Variants in SNX24 observed in about 807,000 individuals in gnomAD.
SNX24 encodes the protein sorting nexin 24.
Under a neutral mutation model 28.7 loss-of-function variants are expected in SNX24, and 22 were observed. That is an observed-to-expected ratio of 0.77 (90% CI 0.55 to 1.10). The LOEUF (loss-of-function observed/expected upper bound fraction) is 1.10. Ranked by LOEUF, SNX24 falls within the 50% of genes least tolerant of loss-of-function variation. The probability of loss-of-function intolerance (pLI) is 0.00; values close to 1 mark genes in which losing one functional copy is unlikely to be tolerated. For missense variants in SNX24, 221 were observed against 201.1 expected, an observed-to-expected ratio of 1.10 and a Z score of -0.60; for synonymous variants, 69 against 71.5, an observed-to-expected ratio of 0.96 and a Z score of 0.18.
chr5:122,985,194 T>C (rs557986911), intron 3 of SNX24, among the ~76,000 whole-genome samples: 3 of 152,350 alleles, frequency 2.0e-5, no homozygotes, highest in African/African-American at 7.2e-5. Context: ...GGCATCCTCC[T>C]TGGTTGAGTC....
At chr5:122,890,201 G>A (rs868648505) in intron 1 of SNX24, among the ~76,000 whole-genome samples, 7 of 152,018 alleles carry the variant, frequency 4.6e-5, no homozygotes, top group African/African-American at 1.7e-4. Flanking sequence ...GTCTGCCCCC[G>A]ACTAATAATG....
chr5:122,888,859 T>G (rs1756828449), intron 1 of SNX24, among the ~76,000 whole-genome samples: 2 of 152,132 alleles, frequency 1.3e-5, no homozygotes, highest in South Asian at 4.2e-4. Flanking sequence ...GGGATAACTT[T>G]GTGTTTTTTT....
At chr5:122,871,900 A>G (rs938631469) in intron 1 of SNX24, among the ~76,000 whole-genome samples, 2 of 152,064 alleles carry the variant, frequency 1.3e-5, no homozygotes, top group African/African-American at 4.8e-5. Flanking sequence ...TAGTCAGGGA[A>G]CTTGTGCAAG....
chr5:122,969,807 C>T (rs894912046), intron 3 of SNX24, among the ~76,000 whole-genome samples: 2 of 152,096 alleles, frequency 1.3e-5, no homozygotes, highest in Non-Finnish European at 2.9e-5. Flanking sequence ...ATTCCACATC[C>T]ATTACCGAAT....
At chr5:122,908,494 GT>G (rs1379254767) in intron 1 of SNX24, among the ~76,000 whole-genome samples, 16 of 152,160 alleles carry the variant, frequency 1.1e-4, no homozygotes, top group African/African-American at 3.9e-4. Context: ...CAGTGCAGAT[GT>G]TTTAAAATAA....
intron 1 of SNX24, among the ~76,000 whole-genome samples, chr5:122,882,824 A>G (rs1581701780): frequency 6.6e-6 from 1 of 152,302 alleles, no homozygotes; most frequent in East Asian, 1.9e-4. Context: ...TATGAATAAT[A>G]ACATAAAAAT....
intron 1 of SNX24, among the ~76,000 whole-genome samples, chr5:122,881,431 A>G (rs1581700442): frequency 6.6e-6 from 1 of 152,238 alleles, no homozygotes; most frequent in African/African-American, 2.4e-5. Flanking sequence ...CATTGGTGAG[A>G]GTGTGTTAGA....
At chr5:122,935,517 T>C (rs1759142964) in intron 1 of SNX24, among the ~76,000 whole-genome samples, 1 of 152,208 alleles carries the variant, frequency 6.6e-6, no homozygotes, top group South Asian at 2.1e-4. Flanking sequence ...ATTGATTAAA[T>C]TGTTAAAAAT....
chr5:122,944,989 A>T (rs753201794), intron 2 of SNX24, among the ~76,000 whole-genome samples: 19 of 152,154 alleles, frequency 1.2e-4, no homozygotes, highest in Non-Finnish European at 2.4e-4. Flanking sequence ...AATTACCATA[A>T]ATGTAGTGGC....
intron 3 of SNX24, among the ~76,000 whole-genome samples, chr5:122,946,691 A>C (rs887784591): frequency 6.6e-6 from 1 of 152,214 alleles, no homozygotes; most frequent in African/African-American, 2.4e-5. Context: ...TCTTTTCTGC[A>C]GCTGAGAGGA....
chr5:122,899,262 C>T (rs930671954), intron 1 of SNX24, among the ~76,000 whole-genome samples: 8 of 152,110 alleles, frequency 5.3e-5, no homozygotes, highest in African/African-American at 1.4e-4. Context: ...AGTAGATGTT[C>T]TAAGGGGAGG....
chr5:122,924,071 A>G (rs952777712), intron 1 of SNX24, among the ~76,000 whole-genome samples: 1 of 152,200 alleles, frequency 6.6e-6, no homozygotes, highest in Admixed American at 6.5e-5. Context: ...AGCAAATAAT[A>G]CAGTAGTCCC....
Position 122,906,567 on chromosome 5 carries a change from G to A in SNX24, c.61-30167G>A, listed in dbSNP as rs184678481. On this transcript the variant is annotated intron_variant, in intron 1 of 6. Transcript: ENST00000261369. ...TTTTTTGCCCAGGCTAGAGTGCAGCGGTGCGATCTTGGCTCACTGCAACCT... is the reference window on the plus strand; with the variant it reads ...TTTTTTGCCCAGGCTAGAGTGCAGCAGTGCGATCTTGGCTCACTGCAACCT... Among the ~76,000 whole-genome samples, 458 of 152,206 alleles carry A rather than the reference G, an allele frequency of 3.0e-3. 2 individuals carry two copies. The highest frequency in any genetic ancestry group is 6.4e-3 in the Admixed American group (98 of 15,290).
chr5:122,936,079 T>A (rs904068860), intron 1 of SNX24, among the ~76,000 whole-genome samples: 1 of 152,232 alleles, frequency 6.6e-6, no homozygotes, highest in Non-Finnish European at 1.5e-5. Context: ...AATGTCATGT[T>A]AGTGCCTACT....
intron 1 of SNX24, among the ~76,000 whole-genome samples, chr5:122,928,617 A>G (rs555903617): frequency 2.6e-5 from 4 of 152,104 alleles, no homozygotes; most frequent in African/African-American, 4.8e-5. Context: ...GCTAGCAAAA[A>G]GGTGGGGGCC....
chr5:123,008,077 G>A lies in SNX24; in HGVS notation c.*328G>A, dbSNP rs1005368093. On this transcript the variant is annotated 3_prime_UTR_variant, in exon 7 of 7. Transcript: ENST00000261369. ...AACAAAGCCACTCTCTGCTTCAGTC[G>A]CACCATTTGCTAATTGAAAATCATA... 6.7e-6 allele frequency: 7 copies of A among 1,046,932 alleles called. No individual in the cohort carries two copies. Among genetic ancestry groups the A allele is most frequent in the Non-Finnish European group, 8.0e-6 (7 of 870,024 alleles). The allele number at this position is 1,046,932 out of a possible 1,614,324, so 64.9% of individuals were successfully genotyped here.
At chr5:122,859,363 G>C (rs931043407) in intron 1 of SNX24, among the ~76,000 whole-genome samples, 5 of 152,258 alleles carry the variant, frequency 3.3e-5, no homozygotes, top group African/African-American at 9.6e-5. Flanking sequence ...CAGCACTTTG[G>C]AAGGCCAAGG....
At chr5:122,940,697 G>T (rs747429339) in intron 2 of SNX24, among the ~76,000 whole-genome samples, 1 of 151,982 alleles carries the variant, frequency 6.6e-6, no homozygotes, top group Non-Finnish European at 1.5e-5. Context: ...CCAGCCTCCC[G>T]AGTAGCTAAG....
chr5:122,915,276 A>C (rs896756201), intron 1 of SNX24, among the ~76,000 whole-genome samples: 11 of 151,468 alleles, frequency 7.3e-5, no homozygotes, highest in Non-Finnish European at 1.5e-5. Context: ...GTAACTTCCT[A>C]CTCCATCTTC....
Sources: gnomAD v4.1 joint callset for allele counts (sites outside exome capture counted in the v4.1 genomes callset) on GRCh38, gnomAD v4.1.1 for gene constraint, MANE v1.5 for transcripts, NCBI Gene and HGNC (gene_info 2026-07-23, HGNC 2026-07-21) for gene names.